The following TNS1 variants were observed in gnomAD, a reference collection of about 807,000 sequenced individuals.
TNS1 encodes the protein tensin 1.
Under a neutral mutation model 168.6 loss-of-function variants are expected in TNS1, and 62 were observed. The observed-to-expected ratio is 0.37, with a 90% CI of 0.30 to 0.45. The LOEUF (loss-of-function observed/expected upper bound fraction) is 0.45, where lower values mean the gene tolerates loss of function less well. Among genes scored for constraint, TNS1 ranks in the 20% least tolerant of loss-of-function variants. TNS1 has a pLI of 1.00. For synonymous variants in TNS1, 934 were observed against 933.2 expected (o/e 1.00, Z -0.02); for missense variants, 2,240 against 2,339.4 (o/e 0.96, Z 0.88).
chr2:217,823,077 CCTGCTGGCCAAGA>C (rs1943119594), intron 22 of TNS1, among the ~76,000 whole-genome samples: 1 of 152,214 alleles, frequency 6.6e-6, no homozygotes, highest in African/African-American at 2.4e-5. Flanking sequence ...CCCTGCAGCC[CCTGCTGGCCAAGA>C]CTGCAATGGT....
chr2:217,889,001 C>T (rs1360713199), intron 12 of TNS1, among the ~76,000 whole-genome samples: 2 of 152,216 alleles, frequency 1.3e-5, no homozygotes, highest in Non-Finnish European at 2.9e-5. Context: ...GCATGCTTCT[C>T]TCTTAGTATC....
rs763531040 is a variant in TNS1, at chr2:217,900,476, G to A, written c.358C>T (p.Leu120Phe). 2.0e-6 allele frequency: 3 copies of A among 1,535,400 alleles called. No homozygotes were observed. The South Asian group carries it at 3.6e-5, about 18-fold the overall frequency. Reference protein sequence around the residue: ...TRVTPSVQPHLQPIRNMSVSR... With the variant: ...TRVTPSVQPHFQPIRNMSVSR... ...GGCCAGGCATACCTGATGGGCTGGA[G>A]GTGGGGCTGGACACTCGGGGTGACC... Residue 120 changes from leucine (L) to phenylalanine (F), a missense_variant, in exon 7 of 33, where the codon CTC (leucine) becomes TTC (phenylalanine). Physicochemically the swap from Leu to Phe is conservative, Grantham distance 22 (BLOSUM62 0). Coordinates refer to ENST00000682258, the MANE Select transcript of TNS1 (RefSeq NM_001387777.1).
chr2:217,941,214 G>T (rs1465468102), intron 3 of TNS1, among the ~76,000 whole-genome samples: 1 of 152,212 alleles, frequency 6.6e-6, no homozygotes, highest in African/African-American at 2.4e-5. Context: ...CTGGGCAGGG[G>T]TTCAAGATGC....
intron 1 of TNS1, among the ~76,000 whole-genome samples, chr2:218,017,302 G>A (rs540999022): frequency 6.6e-6 from 1 of 152,342 alleles, no homozygotes; most frequent in Admixed American, 6.5e-5. Flanking sequence ...GGTGGCTTTA[G>A]GGCAGAGCAG....
intron 22 of TNS1, among the ~76,000 whole-genome samples, chr2:217,824,465 T>C (rs16858286): frequency 0.049 from 7,508 of 152,060 alleles, 560 homozygotes; most frequent in East Asian, 0.25. Flanking sequence ...AGCAAACAAT[T>C]ATACAGGAAA....
chr2:217,913,115 A>G (rs1383135509), intron 4 of TNS1, among the ~76,000 whole-genome samples: 1 of 152,182 alleles, frequency 6.6e-6, no homozygotes, highest in Non-Finnish European at 1.5e-5. Flanking sequence ...AAGAGCACTG[A>G]GCAGATGGGG....
At chr2:217,820,957 G>A (rs1942758627) in intron 23 of TNS1, among the ~76,000 whole-genome samples, 2 of 152,140 alleles carry the variant, frequency 1.3e-5, no homozygotes, top group African/African-American at 2.4e-5. Flanking sequence ...CATGGCCACA[G>A]CCCAGTCCTC....
chr2:217,905,458 G>C (rs1482346699), intron 6 of TNS1: 1 of 380,618 alleles, frequency 2.6e-6, no homozygotes, highest in Non-Finnish European at 5.3e-6. Flanking sequence ...GAGTCAGGCT[G>C]CCTATAGGAA....
At chr2:218,028,747 G>C (rs929555472) in intron 1 of TNS1, among the ~76,000 whole-genome samples, 1 of 152,160 alleles carries the variant, frequency 6.6e-6, no homozygotes, top group Non-Finnish European at 1.5e-5. Flanking sequence ...CAGAAGGGCT[G>C]GCCAAAAGCA....
intron 27 of TNS1, among the ~76,000 whole-genome samples, chr2:217,812,980 G>A (rs555382708): frequency 6.5e-4 from 99 of 152,370 alleles, no homozygotes; most frequent in Non-Finnish European, 1.3e-3. Context: ...TGTTACTCCA[G>A]TTATAATGAT....
At chr2:217,809,141 A>C (rs1939858854) in intron 30 of TNS1, among the ~76,000 whole-genome samples, 1 of 152,124 alleles carries the variant, frequency 6.6e-6, no homozygotes, top group Non-Finnish European at 1.5e-5. Flanking sequence ...AACGGGTGGT[A>C]AGGGATAGAT....
intron 31 of TNS1, among the ~76,000 whole-genome samples, chr2:217,808,391 G>A (rs1244204268): frequency 6.6e-6 from 1 of 152,108 alleles, no homozygotes; most frequent in African/African-American, 2.4e-5. Context: ...GGTAGCAGTG[G>A]GCACTGAGTC....
intron 8 of TNS1, among the ~76,000 whole-genome samples, chr2:217,896,293 G>A (rs1470692349): frequency 6.6e-6 from 1 of 152,236 alleles, no homozygotes; most frequent in Non-Finnish European, 1.5e-5. Flanking sequence ...TCCTCAAAAC[G>A]TCATGTCCAC....
chr2:218,025,683 CT>C (rs5838678), intron 1 of TNS1, among the ~76,000 whole-genome samples: 38 of 148,368 alleles, frequency 2.6e-4, no homozygotes, highest in African/African-American at 3.7e-4. Context: ...GGATTTCTTT[CT>C]TTTTTTTTTT....
In TNS1 at chr2:217,963,745, G is replaced by A. The variant is rs865807253; in HGVS notation, c.186+15020C>T. Among the ~76,000 whole-genome samples the A allele has an allele frequency of 1.7e-3, 200 of 115,340 alleles. 2 individuals are homozygous for A. Among genetic ancestry groups the A allele is most frequent in the Middle Eastern group, 4.8e-3 (1 of 210 alleles). 75.7% of individuals were successfully genotyped at this position (115,340 alleles called of 152,430 possible). Reference sequence around the variant, plus strand: ...AGCCATGAAAATATGTACATTTACCGAAAAAAAAAAAAAAAAGGCCAGGCT... The same window carrying A: ...AGCCATGAAAATATGTACATTTACCAAAAAAAAAAAAAAAAAGGCCAGGCT... On this transcript the variant is annotated intron_variant, in intron 3 of 32. Coordinates refer to ENST00000682258, the MANE Select transcript of TNS1 (RefSeq NM_001387777.1).
At chr2:217,951,701 G>C (rs749643824) in intron 3 of TNS1, among the ~76,000 whole-genome samples, 1 of 152,128 alleles carries the variant, frequency 6.6e-6, no homozygotes, top group Non-Finnish European at 1.5e-5. Context: ...ACCACTGGGG[G>C]AAACCTGCTT....
intron 18 of TNS1, 141 bp from the exon 19 acceptor site, chr2:217,849,228 G>T (rs753977271): frequency 8.8e-6 from 9 of 1,018,054 alleles, no homozygotes; most frequent in Non-Finnish European, 1.3e-5. Context: ...CCCTGAGGTG[G>T]GGAAAAGGGG....
chr2:218,031,798 A>C (rs1958902273), intron 1 of TNS1, among the ~76,000 whole-genome samples: 1 of 152,194 alleles, frequency 6.6e-6, no homozygotes, highest in Non-Finnish European at 1.5e-5. Flanking sequence ...ACAGGAATGC[A>C]GGGGAGGCTG....
At chr2:217,900,780 T>C (rs966549440) in intron 6 of TNS1, among the ~76,000 whole-genome samples, 10 of 152,202 alleles carry the variant, frequency 6.6e-5, no homozygotes, top group Admixed American at 5.9e-4. Flanking sequence ...CCCACTGGGC[T>C]GGTGCCATCC....
Sources: gnomAD v4.1 joint callset for allele counts (sites outside exome capture counted in the v4.1 genomes callset) on GRCh38, gnomAD v4.1.1 for gene constraint, MANE v1.5 for transcripts, NCBI Gene and HGNC (gene_info 2026-07-23, HGNC 2026-07-21) for gene names.